GABBR2: variants seen among roughly 807,000 people sequenced by gnomAD.
GABBR2 encodes the protein G-protein coupled receptor 51.
Under a neutral mutation model 105.6 loss-of-function variants are expected in GABBR2, and 23 were observed. The ratio of observed to expected loss-of-function variants is 0.22; its 90% confidence interval spans 0.16 to 0.31. GABBR2 has a LOEUF of 0.31. Ranked by LOEUF, GABBR2 falls within the 10% of genes least tolerant of loss-of-function variation. GABBR2 has a pLI of 1.00. For missense variants in GABBR2, 734 were observed against 1,245.5 expected (o/e 0.59, Z 6.18); for synonymous variants, 478 against 499.7 (o/e 0.96, Z 0.58).
chr9:98,698,506 T>C (rs13288274), intron 1 of GABBR2, among the ~76,000 whole-genome samples: 84 of 23,814 alleles, frequency 3.5e-3, no homozygotes, highest in Non-Finnish European at 8.2e-3. Flanking sequence ...CACAATTCTT[T>C]TTTTTTTTTT....
chr9:98,411,211 A>C (rs1306075458), intron 7 of GABBR2, among the ~76,000 whole-genome samples: 1 of 152,256 alleles, frequency 6.6e-6, no homozygotes, highest in Non-Finnish European at 1.5e-5. Context: ...CATAAAAATC[A>C]ATCCAAACTA....
chr9:98,361,080 A>C (rs1831573587), intron 13 of GABBR2, among the ~76,000 whole-genome samples: 1 of 152,158 alleles, frequency 6.6e-6, no homozygotes, highest in Non-Finnish European at 1.5e-5. Context: ...GAAGGGGAGA[A>C]CATTTCCCTG....
In GABBR2 at chr9:98,306,465, C is replaced by CGGGGTGGGTGGGGG; in HGVS notation, c.2005-121_2005-120insCCCCCACCCACCCC. On this transcript the variant is annotated intron_variant, in intron 14 of 18. Coordinates refer to ENST00000259455, the MANE Select transcript of GABBR2 (RefSeq NM_005458.8). This position sits in a 1 kb window ranked among gnomAD's most constrained non-coding sequence, Gnocchi z 5.4. Reference sequence around the variant, plus strand: ...GAGGTGGGCTGCAGGGAGGGAGGGTCGGGGGCCTTGCTGTCAGCCGGGTCT... The same window carrying CGGGGTGGGTGGGGG: ...GAGGTGGGCTGCAGGGAGGGAGGGTCGGGGTGGGTGGGGGGGGGGCCTTGCTGTCAGCCGGGTCT... 1 of 421,102 alleles carries CGGGGTGGGTGGGGG rather than the reference C, an allele frequency of 2.4e-6. No individual in the cohort carries two copies. The allele number at this position is 421,102 out of a possible 1,614,324, so 26.1% of individuals were successfully genotyped here. A position where few individuals can be genotyped will look rare whatever the true frequency, so the allele number is the denominator to read the frequency against.
At position 98,346,352 on chromosome 9, in the gene GABBR2, A is replaced by G. The variant is rs150179693; in HGVS notation, c.1893+16363T>C. ...CAACAATGTTCACAGCATCTTCATC[A>G]GGAGTAGTTTCCATCTCAAGAAACC... On this transcript the variant is annotated intron_variant, in intron 13 of 18. Coordinates refer to ENST00000259455, the MANE Select transcript of GABBR2 (RefSeq NM_005458.8). Among the ~76,000 whole-genome samples, 5 of 152,352 alleles carry G rather than the reference A, an allele frequency of 3.3e-5. No homozygotes were observed. In the East Asian group the frequency reaches 7.7e-4, roughly 23 times the overall value.
chr9:98,582,906 C>T (rs1196310016), intron 1 of GABBR2, among the ~76,000 whole-genome samples: 1 of 152,160 alleles, frequency 6.6e-6, no homozygotes, highest in East Asian at 1.9e-4. Context: ...GATGCAGAGA[C>T]TGAGGACTAG....
intron 6 of GABBR2, 78 bp downstream of exon 6, chr9:98,473,068 C>T: frequency 9.5e-7 from 1 of 1,050,814 alleles, no homozygotes; most frequent in South Asian, 1.4e-5. Context: ...AATAAATGTG[C>T]TCTTTTGGCC....
rs1466292040 is a variant in GABBR2, at chr9:98,453,996, G to A, written c.1221C>T (p.Asn407=). Reference sequence around the variant, plus strand: ...TGGGACTGACCGTGACCCCGAAGAAGTTGGTCTCGTTCATGGCATTGAGGA... The same window carrying A: ...TGGGACTGACCGTGACCCCGAAGAAATTGGTCTCGTTCATGGCATTGAGGA... ...RIILNAMNET[N]FFGVTGQVVF... Residue 407 remains asparagine, a synonymous_variant, in exon 7 of 19, where the codon AAC becomes AAT. Transcript: ENST00000259455. 1 of 1,612,672 alleles carries A rather than the reference G, an allele frequency of 6.2e-7. No individual in the cohort carries two copies. The highest frequency in any genetic ancestry group is 8.5e-7 in the Non-Finnish European group (1 of 1,178,592).
chr9:98,309,631 C>A (rs1247284156), intron 14 of GABBR2, among the ~76,000 whole-genome samples: 2 of 152,248 alleles, frequency 1.3e-5, no homozygotes, highest in African/African-American at 4.8e-5. Flanking sequence ...TTGCTGAGAG[C>A]TCTTCCAAGT....
intron 15 of GABBR2, among the ~76,000 whole-genome samples, chr9:98,305,123 A>G (rs1014638540): frequency 2.0e-5 from 3 of 151,928 alleles, no homozygotes; most frequent in Non-Finnish European, 4.4e-5. Flanking sequence ...CTCAACACAG[A>G]TCACCCTACT....
intron 1 of GABBR2, among the ~76,000 whole-genome samples, chr9:98,612,703 C>T (rs982989710): frequency 6.6e-6 from 1 of 152,134 alleles, no homozygotes; most frequent in Non-Finnish European, 1.5e-5. Context: ...CATAGCATTA[C>T]TCAAAAATAA....
chr9:98,343,095 C>T (rs1408915060), intron 13 of GABBR2, among the ~76,000 whole-genome samples: 1 of 152,164 alleles, frequency 6.6e-6, no homozygotes, highest in African/African-American at 2.4e-5. Context: ...TCCATGATTC[C>T]AAATCCCCTG....
chr9:98,347,927 T>A (rs749180962), intron 13 of GABBR2, among the ~76,000 whole-genome samples: 18 of 152,206 alleles, frequency 1.2e-4, no homozygotes, highest in Non-Finnish European at 1.0e-4. Context: ...GACCTGATGG[T>A]TTCATAAATA....
chr9:98,705,161 G>T (rs542674020), intron 1 of GABBR2, among the ~76,000 whole-genome samples: 179 of 152,250 alleles, frequency 1.2e-3, no homozygotes, highest in African/African-American at 4.1e-3. Context: ...ATTTTCAGTT[G>T]TCTTGCTTGT....
intron 2 of GABBR2, among the ~76,000 whole-genome samples, chr9:98,572,089 G>A (rs1828841496): frequency 6.6e-6 from 1 of 152,162 alleles, no homozygotes; most frequent in Non-Finnish European, 1.5e-5. Context: ...TCAGAGCCCT[G>A]CACCCTGAGC....
intron 7 of GABBR2, among the ~76,000 whole-genome samples, chr9:98,412,219 G>C (rs1429854623): frequency 1.3e-5 from 2 of 152,260 alleles, no homozygotes; most frequent in South Asian, 4.1e-4. Flanking sequence ...TACAGGCAAC[G>C]CCTGGGCAGG....
chr9:98,592,472 T>C (rs1261382936), intron 1 of GABBR2, among the ~76,000 whole-genome samples: 3 of 152,238 alleles, frequency 2.0e-5, no homozygotes, highest in Non-Finnish European at 4.4e-5. Flanking sequence ...ATACTGTTAT[T>C]AGCATTCATT....
chr9:98,490,574 T>C (rs950501714), intron 4 of GABBR2, among the ~76,000 whole-genome samples: 5 of 152,222 alleles, frequency 3.3e-5, no homozygotes, highest in African/African-American at 7.2e-5. Context: ...AGCACCCGGA[T>C]TGAACTGAGG....
At chr9:98,453,692 C>G (rs1017560211) in intron 7 of GABBR2, among the ~76,000 whole-genome samples, 1 of 152,208 alleles carries the variant, frequency 6.6e-6, no homozygotes, top group Non-Finnish European at 1.5e-5. Context: ...AAGGATAGAA[C>G]GCTTTTCAAC....
At chr9:98,383,982 A>G (rs919682295) in intron 11 of GABBR2, among the ~76,000 whole-genome samples, 2 of 152,194 alleles carry the variant, frequency 1.3e-5, no homozygotes, top group Admixed American at 6.5e-5. Context: ...GAGGCTTGTG[A>G]GCAACAAATG....
Sources: allele counts gnomAD v4.1 joint callset (sites outside exome capture counted in the v4.1 genomes callset), GRCh38; gene constraint gnomAD v4.1.1; non-coding constraint Gnocchi (gnomAD v3.1); transcripts MANE v1.5; gene names NCBI Gene and HGNC (gene_info 2026-07-23, HGNC 2026-07-21).